Variants in PDE10A observed in about 807,000 individuals in gnomAD.
PDE10A encodes cAMP and cAMP-inhibited cGMP 3',5'-cyclic phosphodiesterase 10A.
Under a neutral mutation model 97.7 loss-of-function variants are expected in PDE10A, and 39 were observed. The observed-to-expected ratio is 0.40, with a 90% CI of 0.31 to 0.52. The LOEUF (loss-of-function observed/expected upper bound fraction) is 0.52, where lower values mean the gene tolerates loss of function less well. Among genes scored for constraint, PDE10A ranks in the 20% least tolerant of loss-of-function variants. PDE10A has a pLI of 0.56. For missense variants in PDE10A, 731 were observed against 1,047.8 expected (o/e 0.70, Z 4.17); for synonymous variants, 371 against 376.8 (o/e 0.98, Z 0.18).
chr6:165,907,215 G>A (rs1440010218), intron 1 of PDE10A, among the ~76,000 whole-genome samples: 1 of 152,228 alleles, frequency 6.6e-6, no homozygotes, highest in Non-Finnish European at 1.5e-5. Context: ...CAGAGTCCTG[G>A]TGCAGTGCAG....
intron 1 of PDE10A, among the ~76,000 whole-genome samples, chr6:165,678,195 A>ATATGTTTGTGTGTCTGTGTGTT (rs1255971129): frequency 1.2e-4 from 16 of 135,196 alleles, no homozygotes; most frequent in East Asian, 7.1e-4. Flanking sequence ...GTGTCTGTGT[A>ATATGTTTGTGTGTCTGTGTGTT]TGTATATGTG....
chr6:165,842,100 T>C (rs1360936855), intron 1 of PDE10A, among the ~76,000 whole-genome samples: 1 of 152,254 alleles, frequency 6.6e-6, no homozygotes, highest in Non-Finnish European at 1.5e-5. Flanking sequence ...TAACCATGGT[T>C]CTTCCCCCTA....
intron 20 of PDE10A, among the ~76,000 whole-genome samples, chr6:165,336,932 G>A (rs533755350): frequency 2.0e-5 from 3 of 151,954 alleles, no homozygotes; most frequent in African/African-American, 4.8e-5. Context: ...TCATACATAT[G>A]GCTCTTTCCG....
intron 1 of PDE10A, among the ~76,000 whole-genome samples, chr6:165,852,731 C>G (rs13201944): frequency 6.6e-6 from 1 of 152,140 alleles, no homozygotes; most frequent in Non-Finnish European, 1.5e-5. Context: ...CTGCTCCATG[C>G]GGGTGAGATA....
intron 1 of PDE10A, among the ~76,000 whole-genome samples, chr6:165,817,572 C>G (rs1044864970): frequency 6.6e-6 from 1 of 152,030 alleles, no homozygotes; most frequent in Admixed American, 6.6e-5. Context: ...GTTTCTACAC[C>G]CTAGATGTAG....
At chr6:165,610,328 G>A (rs1787429767) in intron 1 of PDE10A, among the ~76,000 whole-genome samples, 2 of 152,138 alleles carry the variant, frequency 1.3e-5, no homozygotes, top group African/African-American at 4.8e-5. Context: ...CGGATCACGA[G>A]GTCAGGAGAT....
At chr6:165,790,650 G>A (rs1777854430) in intron 1 of PDE10A, among the ~76,000 whole-genome samples, 1 of 151,970 alleles carries the variant, frequency 6.6e-6, no homozygotes, top group Non-Finnish European at 1.5e-5. Flanking sequence ...TTCCTAATGG[G>A]CTGTGTTGAG....
chr6:165,615,364 T>C (rs1423081916), intron 1 of PDE10A, among the ~76,000 whole-genome samples: 1 of 152,218 alleles, frequency 6.6e-6, no homozygotes, highest in East Asian at 1.9e-4. Context: ...CAATGTCGGT[T>C]TTCTAGAAAC....
intron 1 of PDE10A, among the ~76,000 whole-genome samples, chr6:165,590,183 T>C (rs3008004): frequency 0.6 from 91,278 of 151,714 alleles, 31,863 homozygotes; most frequent in Non-Finnish European, 0.78. Context: ...GGGCAGGTTA[T>C]ACTGATTTAC....
At chr6:165,964,728 T>C (rs1194991493) in intron 1 of PDE10A, among the ~76,000 whole-genome samples, 1 of 152,240 alleles carries the variant, frequency 6.6e-6, no homozygotes, top group Non-Finnish European at 1.5e-5. Flanking sequence ...ACTGGAGAGA[T>C]GTGTACATGA....
intron 1 of PDE10A, among the ~76,000 whole-genome samples, chr6:165,950,095 A>G (rs1016052140): frequency 1.2e-4 from 18 of 152,196 alleles, no homozygotes; most frequent in African/African-American, 4.1e-4. Context: ...CTGCTTTATC[A>G]TTGTTAGGTT....
At chr6:165,868,817 C>T (rs1781122938) in intron 1 of PDE10A, among the ~76,000 whole-genome samples, 1 of 151,964 alleles carries the variant, frequency 6.6e-6, no homozygotes, top group South Asian at 2.1e-4. Flanking sequence ...AAAGATAATA[C>T]ACCATGGTAA....
chr6:165,366,849 TGAGAAATGC>T (rs2128196934), intron 18 of PDE10A, among the ~76,000 whole-genome samples: 1 of 152,280 alleles, frequency 6.6e-6, no homozygotes, highest in Admixed American at 6.5e-5. Context: ...GGATGATTGA[TGAGAAATGC>T]AACTGGCCAC....
chr6:165,796,097 T>A (rs1371676740), intron 1 of PDE10A, among the ~76,000 whole-genome samples: 1 of 141,664 alleles, frequency 7.1e-6, no homozygotes, highest in African/African-American at 2.6e-5. Flanking sequence ...TTTTCTTTTT[T>A]TTTTTTTTTT....
At chr6:165,685,974 TTACG>T (rs2128440550) in intron 1 of PDE10A, among the ~76,000 whole-genome samples, 1 of 152,168 alleles carries the variant, frequency 6.6e-6, no homozygotes, top group East Asian at 1.9e-4. Flanking sequence ...AATAAAGAAA[TTACG>T]TCCATGAGCC....
intron 1 of PDE10A, chr6:165,576,336 A>G (rs1785303399): frequency 6.5e-6 from 5 of 771,790 alleles, no homozygotes; most frequent in Admixed American, 5.2e-5. Flanking sequence ...ACAGAGCTAT[A>G]GAGTACTAGT....
chr6:165,613,643 A>G (rs1398585888), intron 1 of PDE10A, among the ~76,000 whole-genome samples: 1 of 152,186 alleles, frequency 6.6e-6, no homozygotes, highest in Non-Finnish European at 1.5e-5. Flanking sequence ...CCTGTCTCAA[A>G]AAACAATAAT....
At chr6:165,775,827 A>C (rs1346542506) in intron 1 of PDE10A, 1 of 152,240 alleles carries the variant, frequency 6.6e-6, no homozygotes, top group Non-Finnish European at 1.5e-5. Flanking sequence ...AAAAATACAC[A>C]ATTAATTGAT....
In PDE10A at chr6:165,742,614, C is replaced by T. The variant is rs1792753912; in HGVS notation, c.-614-199046G>A. ...TAAACAACCTCATGAGAAATGGAAT[C>T]GAGTGTATCTAATGAGGATGACTTC... On this transcript the variant is annotated intron_variant, in intron 1 of 19. Coordinates refer to the PDE10A transcript ENST00000366882. Among the ~76,000 whole-genome samples the T allele has an allele frequency of 3.9e-5, 6 of 152,130 alleles. 1 individual carries two copies. In the South Asian group the frequency reaches 1.2e-3, roughly 32 times the overall value.
Sources: gnomAD v4.1 joint callset for allele counts (sites outside exome capture counted in the v4.1 genomes callset) on GRCh38, gnomAD v4.1.1 for gene constraint, MANE v1.5 for transcripts, NCBI Gene and HGNC (gene_info 2026-07-23, HGNC 2026-07-21) for gene names.